Variants in ACADL observed in about 807,000 individuals in gnomAD.
ACADL encodes the protein long-chain specific acyl-CoA dehydrogenase, mitochondrial.
In ACADL, 60 loss-of-function variants were observed where a neutral mutation model predicts 56.9. That is an observed-to-expected ratio of 1.05 (90% CI 0.86 to 1.31). The LOEUF (loss-of-function observed/expected upper bound fraction) is 1.31, where lower values mean the gene tolerates loss of function less well. ACADL is among the 50% of genes most tolerant of loss of function. ACADL has a pLI of 0.00. For synonymous variants in ACADL, 158 were observed against 179.7 expected (o/e 0.88, Z 0.97); for missense variants, 484 against 525.5 (o/e 0.92, Z 0.77).
At chr2:210,194,842 A>ACTATACTGCCACT (rs1486832401) in intron 9 of ACADL, among the ~76,000 whole-genome samples, 14 of 152,144 alleles carry the variant, frequency 9.2e-5, no homozygotes, top group Admixed American at 7.2e-4. Flanking sequence ...TTTCAGCCTC[A>ACTATACTGCCACT]CTATACTGCC....
At chr2:210,212,908 G>A (rs570581302) in intron 4 of ACADL, among the ~76,000 whole-genome samples, 3 of 152,286 alleles carry the variant, frequency 2.0e-5, no homozygotes, top group Admixed American at 1.3e-4. Context: ...AACATTGTCC[G>A]TGGCTAACAT....
At chr2:210,210,149 T>A (rs369461871) in intron 5 of ACADL, 47 bp downstream of exon 5, 61 of 1,358,432 alleles carry the variant, frequency 4.5e-5, no homozygotes, top group Non-Finnish European at 6.2e-5. Flanking sequence ...TTGTTACCCA[T>A]GGCATGACTC....
At position 210,214,467 on chromosome 2, in the gene ACADL, AAAAGAAAG is replaced by A. The variant is rs60795055; in HGVS notation, c.536+1872_536+1879del. On this transcript the variant is annotated intron_variant, in intron 4 of 10. Coordinates refer to ENST00000233710, the MANE Select transcript of ACADL (RefSeq NM_001608.4). ...CTCATGACTTTCAATGACCTTCCAA[AAAAGAAAG>A]AAAGAAAGAAAGAAAGAAAGAAAGA... 2.2e-3 allele frequency among the ~76,000 whole-genome samples: 275 copies of A among 122,416 alleles called. 2 individuals are homozygous for A. The highest frequency in any genetic ancestry group is 7.6e-3 in the African/African-American group (245 of 32,090). The allele number at this position is 122,416 out of a possible 152,430, so 80.3% of individuals were successfully genotyped here.
At chr2:210,201,991 TGAA>T (rs568490821) in intron 8 of ACADL, among the ~76,000 whole-genome samples, 3 of 152,340 alleles carry the variant, frequency 2.0e-5, no homozygotes, top group African/African-American at 7.2e-5. Context: ...TTTCTCATTC[TGAA>T]GAAGATATTT....
intron 8 of ACADL, 67 bp from the exon 9 acceptor site, chr2:210,195,405 CAT>C (rs1688693766): frequency 4.0e-6 from 6 of 1,493,224 alleles, no homozygotes; most frequent in Non-Finnish European, 5.6e-6. Context: ...ACCCACTTAA[CAT>C]ATCAGAAATT....
intron 8 of ACADL, among the ~76,000 whole-genome samples, chr2:210,201,222 T>G (rs888644925): frequency 2.0e-5 from 3 of 152,164 alleles, no homozygotes; most frequent in Non-Finnish European, 4.4e-5. Context: ...TCGCAGGACT[T>G]TCTTTCACTT....
chr2:210,192,911 G>T (rs1575670536), intron 9 of ACADL, 21 bp from the exon 10 acceptor site: 2 of 1,588,166 alleles, frequency 1.3e-6, no homozygotes, highest in African/African-American at 1.3e-5. Context: ...AAAATAAAAG[G>T]CAGAAAAGAA....
Position 210,216,667 on chromosome 2 carries a change from A to C in ACADL, c.372-156T>G, listed in dbSNP as rs1689091846. The C allele has an allele frequency of 2.5e-5, 18 of 716,584 alleles. 1 individual carries two copies. In the South Asian group the frequency reaches 3.1e-4, roughly 13 times the overall value. 44.4% of individuals were successfully genotyped at this position (716,584 alleles called of 1,614,324 possible). A position where few individuals can be genotyped will look rare whatever the true frequency, so the allele number is the denominator to read the frequency against. ...CTGAGTGTTTTCTCTTTTTGTTTTT[A>C]CTAATTTTAAAATTTCTGGTTCCAA... On this transcript the variant is annotated intron_variant, in intron 3 of 10. Coordinates refer to ENST00000233710, the MANE Select transcript of ACADL (RefSeq NM_001608.4).
rs372757267 is a variant in ACADL, at chr2:210,195,406, A to G, written c.985-68T>C. 1.0e-5 allele frequency: 15 copies of G among 1,484,654 alleles called. No individual in the cohort carries two copies. The African/African-American group carries it at 1.2e-4, about 12-fold the overall frequency. 92.0% of individuals were successfully genotyped at this position (1,484,654 alleles called of 1,614,324 possible). ...AAATATAAACTTCAACCCACTTAAC[A>G]TATCAGAAATTATACAATAAAAGAT... On this transcript the variant is annotated intron_variant, in intron 8 of 10. Transcript: ENST00000233710.
intron 8 of ACADL, among the ~76,000 whole-genome samples, chr2:210,200,226 T>TA (rs2125710930): frequency 6.6e-6 from 1 of 152,272 alleles, no homozygotes; most frequent in African/African-American, 2.4e-5. Context: ...CCCATCAAAT[T>TA]ACAGTTGAAC....
At chr2:210,211,786 CTG>C (rs1223741667) in intron 4 of ACADL, among the ~76,000 whole-genome samples, 8 of 151,616 alleles carry the variant, frequency 5.3e-5, no homozygotes, top group African/African-American at 1.9e-4. Flanking sequence ...AATGCAAAAA[CTG>C]AGTAATAAAT....
intron 10 of ACADL, among the ~76,000 whole-genome samples, chr2:210,192,051 TAAATC>T (rs1490425035): frequency 6.6e-6 from 1 of 151,954 alleles, no homozygotes; most frequent in South Asian, 2.1e-4. Context: ...TTGAAGGAAA[TAAATC>T]TATTTAGAAA....
At chr2:210,225,077 C>A in intron 1 of ACADL, 110 bp downstream of exon 1, 2 of 1,511,566 alleles carry the variant, frequency 1.3e-6, no homozygotes, top group Non-Finnish European at 1.8e-6. Context: ...TTGGGGAGCA[C>A]TCCCAGCCGC....
At chr2:210,202,078 GTTAT>G (rs910100278) in intron 8 of ACADL, among the ~76,000 whole-genome samples, 1 of 151,910 alleles carries the variant, frequency 6.6e-6, no homozygotes, top group East Asian at 1.9e-4. Flanking sequence ...TTTCTCTATT[GTTAT>G]TTATTTATTT....
At chr2:210,222,745 G>C (rs1379156382) in intron 1 of ACADL, among the ~76,000 whole-genome samples, 1 of 152,200 alleles carries the variant, frequency 6.6e-6, no homozygotes, top group Non-Finnish European at 1.5e-5. Flanking sequence ...GAGAAGAGTA[G>C]ATGAGGCCAG....
intron 8 of ACADL, 86 bp from the exon 9 acceptor site, chr2:210,195,424 TA>T: frequency 1.4e-6 from 2 of 1,411,254 alleles, no homozygotes; most frequent in Non-Finnish European, 2.0e-6. Flanking sequence ...AATTATACAA[TA>T]AAAGATCTTT....
At chr2:210,210,337 G>T in intron 4 of ACADL, 75 bp from the exon 5 acceptor site, 1 of 1,136,112 alleles carries the variant, frequency 8.8e-7, no homozygotes, top group Non-Finnish European at 1.3e-6. Flanking sequence ...AAGTATGTAT[G>T]TAAATTAGAT....
intron 8 of ACADL, among the ~76,000 whole-genome samples, chr2:210,200,665 T>C (rs1395593908): frequency 6.6e-6 from 1 of 152,216 alleles, no homozygotes; most frequent in Non-Finnish European, 1.5e-5. Flanking sequence ...ACAACTGTTT[T>C]AGGTTTGTTA....
intron 10 of ACADL, among the ~76,000 whole-genome samples, chr2:210,189,480 A>C (rs1297813979): frequency 6.6e-6 from 1 of 152,194 alleles, no homozygotes; most frequent in African/African-American, 2.4e-5. Flanking sequence ...AAAAAGATAC[A>C]TATTTTCTAG....
Sources: allele counts gnomAD v4.1 joint callset (sites outside exome capture counted in the v4.1 genomes callset), GRCh38; gene constraint gnomAD v4.1.1; transcripts MANE v1.5; gene names NCBI Gene and HGNC (gene_info 2026-07-23, HGNC 2026-07-21).